NLK: variants seen among roughly 807,000 people sequenced by gnomAD.
NLK encodes serine/threonine-protein kinase NLK.
NLK carries 11 observed loss-of-function variants against 59.0 expected under a neutral mutation model. The ratio of observed to expected loss-of-function variants is 0.19; its 90% CI spans 0.12 to 0.31. The LOEUF is 0.31. Ranked by LOEUF, NLK falls within the 10% of genes least tolerant of loss-of-function variation. The pLI is 1.00. For missense variants in NLK, 410 were observed against 661.1 expected, an observed-to-expected ratio of 0.62 and a Z score of 4.16; for synonymous variants, 235 against 235.9, an observed-to-expected ratio of 1.00 and a Z score of 0.03.
At chr17:28,057,857 A>G (rs1376587467) in intron 1 of NLK, among the ~76,000 whole-genome samples, 2 of 152,212 alleles carry the variant, frequency 1.3e-5, no homozygotes, top group Non-Finnish European at 2.9e-5. Context: ...CCCTATATAT[A>G]GTACAAAGCC....
intron 3 of NLK, among the ~76,000 whole-genome samples, chr17:28,147,571 C>G (rs937233132): frequency 2.6e-5 from 4 of 152,100 alleles, no homozygotes; most frequent in African/African-American, 9.7e-5. Flanking sequence ...CTGCCAGGCT[C>G]TAGATTAGTT....
At chr17:28,176,718 T>C (rs1169407508) in intron 7 of NLK, among the ~76,000 whole-genome samples, 1 of 152,190 alleles carries the variant, frequency 6.6e-6, no homozygotes, top group Non-Finnish European at 1.5e-5. Context: ...AAATTAAAAT[T>C]TTACAGCAAG....
At chr17:28,192,768 C>T (rs1909354610) in intron 10 of NLK, among the ~76,000 whole-genome samples, 1 of 152,190 alleles carries the variant, frequency 6.6e-6, no homozygotes, top group Non-Finnish European at 1.5e-5. Context: ...ATTGTGCTGC[C>T]TCATCACATA....
intron 1 of NLK, among the ~76,000 whole-genome samples, chr17:28,070,665 G>A (rs933841404): frequency 9.2e-5 from 14 of 151,796 alleles, no homozygotes; most frequent in African/African-American, 3.4e-4. Context: ...ATTAATTTTT[G>A]TATATGGACT....
intron 1 of NLK, among the ~76,000 whole-genome samples, chr17:28,119,763 C>T (rs773271552): frequency 1.3e-5 from 2 of 152,164 alleles, no homozygotes; most frequent in Non-Finnish European, 2.9e-5. Flanking sequence ...AGAAGCCTGG[C>T]AGACACCTCA....
At chr17:28,181,747 C>A (rs985866737) in intron 7 of NLK, among the ~76,000 whole-genome samples, 2 of 151,952 alleles carry the variant, frequency 1.3e-5, no homozygotes, top group African/African-American at 2.4e-5. Context: ...GTGGCTCACA[C>A]CTGTACAAAT....
At chr17:28,194,341 C>G (rs1184925376) in intron 10 of NLK, among the ~76,000 whole-genome samples, 3 of 152,204 alleles carry the variant, frequency 2.0e-5, no homozygotes, top group Admixed American at 2.0e-4. Context: ...CAGGGCCATA[C>G]AACTAGTAAA....
At chr17:28,100,754 C>A (rs1177424031) in intron 1 of NLK, among the ~76,000 whole-genome samples, 3 of 151,998 alleles carry the variant, frequency 2.0e-5, no homozygotes, top group Non-Finnish European at 2.9e-5. Context: ...GTTTTTGCAT[C>A]TTTGTGTTCT....
At chr17:28,054,526 CTT>C (rs1010991817) in intron 1 of NLK, among the ~76,000 whole-genome samples, 12 of 152,104 alleles carry the variant, frequency 7.9e-5, no homozygotes, top group Non-Finnish European at 1.6e-4. Context: ...CAATATTAAA[CTT>C]AATAATTAAT....
intron 1 of NLK, among the ~76,000 whole-genome samples, chr17:28,072,157 T>C (rs1910024955): frequency 1.3e-5 from 2 of 152,154 alleles, no homozygotes. Flanking sequence ...ATGTTTTAAC[T>C]TCTTTTTTAT....
intron 1 of NLK, among the ~76,000 whole-genome samples, chr17:28,114,575 A>G (rs143046859): frequency 9.6e-4 from 146 of 152,334 alleles, no homozygotes; most frequent in African/African-American, 3.3e-3. Flanking sequence ...AAATATATCA[A>G]TATTTTCCAG....
intron 7 of NLK, among the ~76,000 whole-genome samples, chr17:28,184,118 C>T (rs2142068074): frequency 6.6e-6 from 1 of 152,312 alleles, no homozygotes; most frequent in Middle Eastern, 3.4e-3. Flanking sequence ...ATGCCTACCA[C>T]TTATGAAGGC....
At chr17:28,199,857 A>G (rs1056192226), downstream of NLK, among the ~76,000 whole-genome samples, 1 of 152,134 alleles carries the variant, frequency 6.6e-6, no homozygotes, top group Non-Finnish European at 1.5e-5. Flanking sequence ...TGGAAATACA[A>G]AGAAATCACA....
chr17:28,176,113 A>G (rs1384460998), intron 7 of NLK, among the ~76,000 whole-genome samples: 1 of 152,212 alleles, frequency 6.6e-6, no homozygotes, highest in Non-Finnish European at 1.5e-5. Context: ...GTGCACACAG[A>G]AGGAGCCTCT....
chr17:28,070,758 A>G (rs921699233), intron 1 of NLK, among the ~76,000 whole-genome samples: 16 of 152,194 alleles, frequency 1.1e-4, no homozygotes, highest in Non-Finnish European at 2.1e-4. Context: ...AAAGTAAAAT[A>G]CTAATTTTAA....
chr17:28,127,568 C>T (rs902744768), intron 2 of NLK, among the ~76,000 whole-genome samples: 3 of 152,146 alleles, frequency 2.0e-5, no homozygotes, highest in Admixed American at 2.0e-4. Flanking sequence ...GTTTATAGTT[C>T]TAGGCAGATT....
At chr17:28,050,963 T>A (rs1157759440) in intron 1 of NLK, among the ~76,000 whole-genome samples, 1 of 151,014 alleles carries the variant, frequency 6.6e-6, no homozygotes, top group Non-Finnish European at 1.5e-5. Flanking sequence ...AAAAAAAAAA[T>A]TAGCCTGGTG....
chr17:28,119,466 C>G (rs1905925346), intron 1 of NLK, among the ~76,000 whole-genome samples: 1 of 152,074 alleles, frequency 6.6e-6, no homozygotes, highest in Non-Finnish European at 1.5e-5. Context: ...CTTTTCTCAC[C>G]ATAATAGGGT....
intron 1 of NLK, among the ~76,000 whole-genome samples, chr17:28,065,915 C>T (rs1638460558): frequency 6.6e-6 from 1 of 152,180 alleles, no homozygotes; most frequent in South Asian, 2.1e-4. Flanking sequence ...CCACTTTCCT[C>T]AAGTTCCTAC....
Sources: allele counts gnomAD v4.1 joint callset (sites outside exome capture counted in the v4.1 genomes callset), GRCh38; gene constraint gnomAD v4.1.1; transcripts MANE v1.5; gene names NCBI Gene and HGNC (gene_info 2026-07-23, HGNC 2026-07-21).